Variants in DLG2 observed in about 807,000 individuals in gnomAD.
DLG2 encodes the protein disks large homolog 2.
Under a neutral mutation model 132.5 loss-of-function variants are expected in DLG2, and 45 were observed. That is an observed-to-expected ratio of 0.34 (90% CI 0.27 to 0.44). The LOEUF is 0.44. DLG2 is among the 20% of genes least tolerant of loss of function. The probability of loss-of-function intolerance (pLI) is 1.00; values close to 1 mark genes in which losing one functional copy is unlikely to be tolerated. For missense variants in DLG2, 1,045 were observed against 1,196.9 expected (o/e 0.87, Z 1.87); for synonymous variants, 424 against 419.6 (o/e 1.01, Z -0.13).
chr11:84,656,051 T>C (rs918925035), intron 6 of DLG2, among the ~76,000 whole-genome samples: 1 of 152,276 alleles, frequency 6.6e-6, no homozygotes, highest in African/African-American at 2.4e-5. Flanking sequence ...ATTTTCATTA[T>C]GTACAAGAAA....
At chr11:85,522,784 G>C (rs1208841203) in intron 3 of DLG2, among the ~76,000 whole-genome samples, 1 of 152,180 alleles carries the variant, frequency 6.6e-6, no homozygotes, top group Non-Finnish European at 1.5e-5. Context: ...CATTCGGAAT[G>C]GGTGGATTTA....
intron 14 of DLG2, among the ~76,000 whole-genome samples, chr11:83,944,926 T>C (rs538205008): frequency 2.6e-5 from 4 of 152,230 alleles, no homozygotes; most frequent in Non-Finnish European, 5.9e-5. Context: ...AAATATTCTA[T>C]AAAATCTATG....
intron 5 of DLG2, among the ~76,000 whole-genome samples, chr11:85,114,041 C>T (rs1381002640): frequency 6.6e-6 from 1 of 151,948 alleles, no homozygotes; most frequent in Non-Finnish European, 1.5e-5. Flanking sequence ...AAAATCCTAA[C>T]CTCATGTTTT....
At chr11:85,231,841 C>T (rs113488523) in intron 4 of DLG2, among the ~76,000 whole-genome samples, 3,520 of 152,008 alleles carry the variant, frequency 0.023, 67 homozygotes, top group Admixed American at 0.038. Context: ...CTCTAGCTCA[C>T]AAAAATTCCA....
chr11:84,717,660 A>G (rs926098577), intron 6 of DLG2, among the ~76,000 whole-genome samples: 5 of 152,098 alleles, frequency 3.3e-5, no homozygotes, highest in African/African-American at 1.2e-4. Flanking sequence ...GGGAAAAGTA[A>G]TGATTGATTT....
intron 3 of DLG2, among the ~76,000 whole-genome samples, chr11:85,583,280 C>G (rs1228614565): frequency 6.7e-6 from 1 of 149,898 alleles, no homozygotes; most frequent in Admixed American, 6.7e-5. Flanking sequence ...ATCCTCCCAC[C>G]TCAGCCTCCC....
intron 4 of DLG2, among the ~76,000 whole-genome samples, chr11:85,206,145 C>T (rs2081876117): frequency 6.6e-6 from 1 of 152,050 alleles, no homozygotes; most frequent in African/African-American, 2.4e-5. Flanking sequence ...CTCTATCTTC[C>T]TCCTGCTGTG....
At chr11:83,651,946 G>A (rs902582935) in intron 18 of DLG2, 1 of 453,170 alleles carries the variant, frequency 2.2e-6, no homozygotes, top group East Asian at 7.2e-5. Flanking sequence ...CAGAAAGTAA[G>A]AAACAAATCA....
At chr11:83,619,008 C>A (rs930475116) in intron 19 of DLG2, among the ~76,000 whole-genome samples, 4 of 152,172 alleles carry the variant, frequency 2.6e-5, no homozygotes, top group African/African-American at 9.6e-5. Context: ...CTGACAGCAT[C>A]CTATGTAGTA....
intron 6 of DLG2, among the ~76,000 whole-genome samples, chr11:84,593,494 G>T (rs1017925822): frequency 1.3e-5 from 2 of 152,148 alleles, no homozygotes; most frequent in Non-Finnish European, 2.9e-5. Flanking sequence ...TCCTTTGTGT[G>T]CAGGGACATG....
intron 21 of DLG2, among the ~76,000 whole-genome samples, chr11:83,509,871 T>C (rs1005589633): frequency 6.6e-6 from 1 of 152,156 alleles, no homozygotes; most frequent in Non-Finnish European, 1.5e-5. Flanking sequence ...CATCTCTTCA[T>C]TCATCAGTTA....
At chr11:84,635,608 T>C (rs2099639283) in intron 6 of DLG2, among the ~76,000 whole-genome samples, 1 of 152,166 alleles carries the variant, frequency 6.6e-6, no homozygotes, top group Non-Finnish European at 1.5e-5. Context: ...CATTATTTTG[T>C]TTAGGACCTT....
intron 6 of DLG2, among the ~76,000 whole-genome samples, chr11:84,648,747 T>TTC (rs1266836918): frequency 4.7e-5 from 7 of 149,028 alleles, no homozygotes; most frequent in African/African-American, 1.5e-4. Context: ...CTCTCTCTCC[T>TTC]TCTCTCTCTC....
chr11:84,725,298 G>A (rs916236647), intron 6 of DLG2, among the ~76,000 whole-genome samples: 1 of 152,046 alleles, frequency 6.6e-6, no homozygotes, highest in Non-Finnish European at 1.5e-5. Flanking sequence ...ACCCCTATAA[G>A]GAAAGCATAG....
chr11:85,570,618 T>C (rs1216076704), intron 3 of DLG2, among the ~76,000 whole-genome samples: 2 of 152,188 alleles, frequency 1.3e-5, no homozygotes, highest in African/African-American at 2.4e-5. Context: ...GGTTAATGGT[T>C]TGCATCAAAT....
chr11:84,270,329 T>A (rs1285107532), intron 7 of DLG2, among the ~76,000 whole-genome samples: 3 of 152,224 alleles, frequency 2.0e-5, no homozygotes, highest in Non-Finnish European at 4.4e-5. Context: ...GGCTCTTGGA[T>A]CAGCAGATGA....
intron 7 of DLG2, among the ~76,000 whole-genome samples, chr11:84,443,978 A>G (rs1160506625): frequency 2.0e-5 from 3 of 149,708 alleles, no homozygotes; most frequent in African/African-American, 4.9e-5. Context: ...AGCAATTTAA[A>G]TGTTTTGCTT....
intron 3 of DLG2, among the ~76,000 whole-genome samples, chr11:85,399,370 G>C (rs1422025608): frequency 6.6e-6 from 1 of 152,140 alleles, no homozygotes; most frequent in Non-Finnish European, 1.5e-5. Flanking sequence ...GTAATTTATA[G>C]ATTCAATGCC....
At chr11:85,361,727 C>T (rs1272375264) in intron 3 of DLG2, among the ~76,000 whole-genome samples, 1 of 152,166 alleles carries the variant, frequency 6.6e-6, no homozygotes, top group African/African-American at 2.4e-5. Flanking sequence ...AATTTGAAGT[C>T]AGTAATGTGA....
Sources: gnomAD v4.1 joint callset for allele counts (sites outside exome capture counted in the v4.1 genomes callset) on GRCh38, gnomAD v4.1.1 for gene constraint, MANE v1.5 for transcripts, NCBI Gene and HGNC (gene_info 2026-07-23, HGNC 2026-07-21) for gene names.